Variants in NT5DC3 observed in about 807,000 individuals in gnomAD.
NT5DC3 encodes 5'-nucleotidase domain-containing protein 3.
A neutral mutation model predicts 67.8 loss-of-function variants in NT5DC3; 42 were observed. The ratio of observed to expected loss-of-function variants is 0.62; its 90% confidence interval spans 0.48 to 0.80. The LOEUF is 0.80. Among genes scored for constraint, NT5DC3 ranks in the 30% least tolerant of loss-of-function variants. The pLI is 0.00. For missense variants in NT5DC3, 570 were observed against 696.4 expected (o/e 0.82, Z 2.04); for synonymous variants, 237 against 255.6 (o/e 0.93, Z 0.69).
At chr12:103,766,173 C>A, downstream of NT5DC3, 1 of 1,372,068 alleles carries the variant, frequency 7.3e-7, no homozygotes, top group Non-Finnish European at 1.0e-6. Flanking sequence ...CCAGCACATA[C>A]GTGTTCACAG....
At position 103,806,271 on chromosome 12, in the gene NT5DC3, A is replaced by G. The variant is rs148365020; in HGVS notation, c.524+51T>C. 9 of 1,220,670 alleles carry G rather than the reference A, an allele frequency of 7.4e-6. No homozygotes were observed. The Admixed American group carries it at 1.2e-4, about 16-fold the overall frequency. 75.6% of individuals were successfully genotyped at this position (1,220,670 alleles called of 1,614,324 possible). A position where few individuals can be genotyped will look rare whatever the true frequency, so the allele number is the denominator to read the frequency against. Reference sequence around the variant, plus strand: ...AAACAGTCAGAGGGTCCTGAAACCCAAAGCACCTGGTTACTTCACGTAAAT... The same window carrying G: ...AAACAGTCAGAGGGTCCTGAAACCCGAAGCACCTGGTTACTTCACGTAAAT... On this transcript the variant is annotated intron_variant, in intron 4 of 13. Coordinates refer to ENST00000392876, the MANE Select transcript of NT5DC3 (RefSeq NM_001031701.3).
At chr12:103,778,835 G>T (rs1246135988) in intron 13 of NT5DC3, among the ~76,000 whole-genome samples, 1 of 150,592 alleles carries the variant, frequency 6.6e-6, no homozygotes, top group African/African-American at 2.4e-5. Context: ...AAAGAAAACA[G>T]CCTGCCTATC....
chr12:103,765,128 A>C, the NT5DC3 span, among the ~76,000 whole-genome samples: 1 of 150,492 alleles, frequency 6.6e-6, no homozygotes, highest in Non-Finnish European at 1.5e-5. Context: ...TGGTAAGTTC[A>C]GCTAAATTAC....
At chr12:103,831,052 T>A (rs1321648036) in intron 1 of NT5DC3, among the ~76,000 whole-genome samples, 1 of 152,182 alleles carries the variant, frequency 6.6e-6, no homozygotes, top group Non-Finnish European at 1.5e-5. Context: ...TCACTATCAC[T>A]CAGTTTCTCA....
chr12:103,769,854 A>G (rs2139280721), downstream of NT5DC3, among the ~76,000 whole-genome samples: 1 of 152,400 alleles, frequency 6.6e-6, no homozygotes, highest in Middle Eastern at 3.4e-3. Context: ...TGCTAGAATT[A>G]CCTTAGAAGA....
intron 2 of NT5DC3, 22 bp from the exon 3 acceptor site, chr12:103,806,951 G>C (rs1409201806): frequency 1.4e-6 from 2 of 1,453,092 alleles, no homozygotes; most frequent in South Asian, 2.3e-5. Flanking sequence ...GAAAGGAACT[G>C]GTTTTAGCCA....
intron 1 of NT5DC3, among the ~76,000 whole-genome samples, chr12:103,817,182 A>C (rs1043333568): frequency 6.6e-6 from 1 of 152,188 alleles, no homozygotes; most frequent in Non-Finnish European, 1.5e-5. Flanking sequence ...ATCTCAGACG[A>C]CGAGGCCTCC....
chr12:103,766,317 A>C (rs1053888500), downstream of NT5DC3: 2 of 1,613,384 alleles, frequency 1.2e-6, no homozygotes, highest in Admixed American at 3.3e-5. Context: ...GAGGGCAATG[A>C]CCCCTTGAGG....
At chr12:103,782,785 G>A (rs929060741) in intron 12 of NT5DC3, among the ~76,000 whole-genome samples, 1 of 152,172 alleles carries the variant, frequency 6.6e-6, no homozygotes, top group African/African-American at 2.4e-5. Flanking sequence ...TCAGGAGTTT[G>A]AGACCAGCCT....
At chr12:103,749,111 T>C in the NT5DC3 span, 2 of 1,611,734 alleles carry the variant, frequency 1.2e-6, no homozygotes, top group African/African-American at 2.7e-5. Flanking sequence ...CAGACGGCCT[T>C]AACGGAGGGT....
intron 1 of NT5DC3, among the ~76,000 whole-genome samples, chr12:103,828,126 T>C (rs17034662): frequency 0.1 from 15,488 of 152,188 alleles, 1,137 homozygotes; most frequent in East Asian, 0.3. Context: ...AAATCAAAGG[T>C]GAGTTGCAGT....
chr12:103,795,780 AATAT>A (rs1255242845), intron 6 of NT5DC3, among the ~76,000 whole-genome samples: 1 of 152,204 alleles, frequency 6.6e-6, no homozygotes, highest in Non-Finnish European at 1.5e-5. Context: ...AACATATATA[AATAT>A]ATAAACATGT....
rs146912569 is a variant in NT5DC3 at position 103,775,586 on chromosome 12, A to G, written c.*2243T>C. 3,666 of 152,220 alleles carry G rather than the reference A, an allele frequency of 0.024. 57 individuals carry two copies. Among genetic ancestry groups the G allele is most frequent in the Non-Finnish European group, 0.037 (2,488 of 68,012 alleles). 9.4% of individuals were successfully genotyped at this position (152,220 alleles called of 1,614,324 possible). A position where few individuals can be genotyped will look rare whatever the true frequency, so the allele number is the denominator to read the frequency against. On this transcript the variant is annotated 3_prime_UTR_variant, in exon 14 of 14. Transcript: ENST00000392876. Reference sequence around the variant, plus strand: ...CCGAGCAGTTCTGGGCGCAACACACACCCATTAAGTGTCAGCCTCCAATAC... The same window carrying G: ...CCGAGCAGTTCTGGGCGCAACACACGCCCATTAAGTGTCAGCCTCCAATAC...
the NT5DC3 span, chr12:103,750,499 A>G: frequency 2.5e-6 from 4 of 1,569,318 alleles, no homozygotes; most frequent in Admixed American, 6.9e-5. Context: ...CCTAGGCTGG[A>G]CATTGGTCCC....
intron 4 of NT5DC3, among the ~76,000 whole-genome samples, chr12:103,803,868 C>CA (rs1886688258): frequency 6.8e-6 from 1 of 148,030 alleles, no homozygotes; most frequent in African/African-American, 2.5e-5. Flanking sequence ...CACCCCCCCC[C>CA]CAAAAAAATG....
chr12:103,761,167 C>T, the NT5DC3 span: 1 of 733,606 alleles, frequency 1.4e-6, no homozygotes, highest in Non-Finnish European at 2.3e-6. Context: ...GAGGAGAAGT[C>T]CTGGGCTGCC....
At chr12:103,761,251 C>T in the NT5DC3 span, 2 of 1,561,234 alleles carry the variant, frequency 1.3e-6, no homozygotes, top group Non-Finnish European at 1.8e-6. Flanking sequence ...CCATGGAGGG[C>T]TGCCCACTCG....
intron 1 of NT5DC3, among the ~76,000 whole-genome samples, chr12:103,829,142 TGA>T (rs1887821343): frequency 1.3e-5 from 2 of 152,232 alleles, no homozygotes; most frequent in Admixed American, 1.3e-4. Flanking sequence ...ATTATTCTAG[TGA>T]GAGTCACCCA....
chr12:103,762,403 G>A, the NT5DC3 span: 1 of 1,614,226 alleles, frequency 6.2e-7, no homozygotes, highest in Non-Finnish European at 8.5e-7. Flanking sequence ...GCATTTTGAG[G>A]TAAGAGAGAA....
Sources: gnomAD v4.1 joint callset for allele counts (sites outside exome capture counted in the v4.1 genomes callset) on GRCh38, gnomAD v4.1.1 for gene constraint, MANE v1.5 for transcripts, NCBI Gene and HGNC (gene_info 2026-07-23, HGNC 2026-07-21) for gene names.